STIMATE: variants seen among roughly 807,000 people sequenced by gnomAD.
The protein encoded by STIMATE is STIM activating enhancer.
In STIMATE, 15 loss-of-function variants were observed where a neutral mutation model predicts 36.7. The ratio of observed to expected loss-of-function variants is 0.41; its 90% CI spans 0.27 to 0.63. The LOEUF (loss-of-function observed/expected upper bound fraction) is 0.63. Ranked by LOEUF, STIMATE falls within the 20% of genes least tolerant of loss-of-function variation. The pLI, the probability that STIMATE is intolerant of heterozygous loss-of-function variation, is 0.32. For missense variants in STIMATE, 305 were observed against 397.3 expected, an observed-to-expected ratio of 0.77 and a Z score of 1.98; for synonymous variants, 163 against 162.3, an observed-to-expected ratio of 1.00 and a Z score of -0.03.
At chr3:52,845,071 C>T in intron 4 of STIMATE, 130 bp from the exon 5 acceptor site, 1 of 768,374 alleles carries the variant, frequency 1.3e-6, no homozygotes, top group Non-Finnish European at 2.0e-6. Context: ...AATGAGCCCC[C>T]CCAAAAGTCC....
At chr3:52,858,635 A>T (rs568789653) in intron 1 of STIMATE, among the ~76,000 whole-genome samples, 52 of 152,244 alleles carry the variant, frequency 3.4e-4, no homozygotes, top group African/African-American at 1.2e-3. Flanking sequence ...GAAACAAAAA[A>T]CAAAGGTCAA....
At chr3:52,845,293 T>A (rs889968290) in intron 4 of STIMATE, among the ~76,000 whole-genome samples, 1 of 152,232 alleles carries the variant, frequency 6.6e-6, no homozygotes, top group Admixed American at 6.5e-5. Flanking sequence ...AGACTGCTAT[T>A]CTTATCCGTT....
At chr3:52,856,424 T>A (rs913825239) in intron 1 of STIMATE, among the ~76,000 whole-genome samples, 2 of 152,212 alleles carry the variant, frequency 1.3e-5, no homozygotes, top group African/African-American at 4.8e-5. Flanking sequence ...CTCATGCCTG[T>A]AATCCCAGCA....
At chr3:52,890,145 T>C (rs1406697997) in intron 1 of STIMATE, among the ~76,000 whole-genome samples, 14 of 152,198 alleles carry the variant, frequency 9.2e-5, no homozygotes, top group Admixed American at 9.2e-4. Flanking sequence ...TTCAGGCTTC[T>C]ACAATCCTCT....
chr3:52,883,607 A>T (rs1235839571), intron 1 of STIMATE, among the ~76,000 whole-genome samples: 1 of 152,082 alleles, frequency 6.6e-6, no homozygotes, highest in East Asian at 1.9e-4. Flanking sequence ...TGGGTCACTA[A>T]GGCTCTGTTC....
At chr3:52,888,415 C>T (rs139955201) in intron 1 of STIMATE, among the ~76,000 whole-genome samples, 58 of 152,332 alleles carry the variant, frequency 3.8e-4, no homozygotes, top group Middle Eastern at 3.4e-3. Flanking sequence ...ATGTAACCAC[C>T]TGCAGATATT....
intron 1 of STIMATE, among the ~76,000 whole-genome samples, chr3:52,870,360 G>A (rs77853863): frequency 0.015 from 2,225 of 152,156 alleles, 59 homozygotes; most frequent in African/African-American, 0.051. Flanking sequence ...CACGATCACT[G>A]GTGGTTGTAT....
Position 52,897,486 on chromosome 3 carries a change from C to G in STIMATE, c.-36G>C. The G allele has an allele frequency of 8.2e-7, 1 of 1,214,262 alleles. No individual in the cohort carries two copies. Among genetic ancestry groups the G allele is most frequent in the Non-Finnish European group, 1.0e-6 (1 of 977,606 alleles). 75.2% of individuals were successfully genotyped at this position (1,214,262 alleles called of 1,614,324 possible). ...GCGGGAGGGGCGCGAGGGCCCAGGG[C>G]CCGCCCGGCCTCGCTGCCTGCCGGC... On this transcript the variant is annotated 5_prime_UTR_variant, in exon 1 of 8. Coordinates refer to ENST00000355083, the MANE Select transcript of STIMATE (RefSeq NM_198563.5).
At chr3:52,861,556 G>C (rs1252901258) in intron 1 of STIMATE, among the ~76,000 whole-genome samples, 1 of 152,186 alleles carries the variant, frequency 6.6e-6, no homozygotes, top group South Asian at 2.1e-4. Flanking sequence ...AGAGGAAGGT[G>C]GGGGGCTGCT....
intron 1 of STIMATE, among the ~76,000 whole-genome samples, chr3:52,872,800 A>G (rs894044993): frequency 2.6e-5 from 4 of 152,020 alleles, no homozygotes; most frequent in African/African-American, 9.7e-5. Context: ...TAATTTTTGT[A>G]TTTTTAGTAG....
At chr3:52,845,054 G>T in intron 4 of STIMATE, 113 bp from the exon 5 acceptor site, 1 of 1,011,714 alleles carries the variant, frequency 9.9e-7, no homozygotes, top group South Asian at 2.0e-5. Context: ...AAGCTCTAAA[G>T]GTACTTAATG....
At chr3:52,874,168 T>C (rs1036607433) in intron 1 of STIMATE, among the ~76,000 whole-genome samples, 7 of 152,190 alleles carry the variant, frequency 4.6e-5, no homozygotes, top group Non-Finnish European at 8.8e-5. Flanking sequence ...TAAATGTCCA[T>C]CGATAGGGAA....
intron 1 of STIMATE, among the ~76,000 whole-genome samples, chr3:52,893,280 T>G (rs1448311453): frequency 6.6e-6 from 1 of 151,964 alleles, no homozygotes; most frequent in Non-Finnish European, 1.5e-5. Context: ...TGTGGTTATG[T>G]GGGAGATTGT....
intron 5 of STIMATE, 50 bp from the exon 6 acceptor site, chr3:52,843,848 T>C: frequency 7.5e-7 from 1 of 1,331,672 alleles, no homozygotes; most frequent in Non-Finnish European, 1.0e-6. Flanking sequence ...ACCGAGAGTG[T>C]GCCTGGGGTG....
intron 4 of STIMATE, chr3:52,848,175 G>T (rs1319897073): frequency 6.6e-6 from 1 of 152,588 alleles, no homozygotes; most frequent in African/African-American, 2.4e-5. Flanking sequence ...AAAACAACAG[G>T]TAACTGAGCA....
At chr3:52,896,558 T>TTTA (rs1474915672) in intron 1 of STIMATE, among the ~76,000 whole-genome samples, 1 of 151,994 alleles carries the variant, frequency 6.6e-6, no homozygotes, top group African/African-American at 2.4e-5. Flanking sequence ...AAAAGGAAAC[T>TTTA]TAAAATATAA....
intron 3 of STIMATE, among the ~76,000 whole-genome samples, chr3:52,850,385 T>C (rs1044617524): frequency 6.6e-6 from 1 of 151,824 alleles, no homozygotes; most frequent in African/African-American, 2.4e-5. Flanking sequence ...TGAGCTGAGA[T>C]TGCACCACTG....
chr3:52,873,794 G>T (rs1701450707), intron 1 of STIMATE, among the ~76,000 whole-genome samples: 1 of 152,200 alleles, frequency 6.6e-6, no homozygotes, highest in African/African-American at 2.4e-5. Flanking sequence ...GGGCTGTCCT[G>T]GAAGGACCCT....
At chr3:52,857,683 T>G (rs1023374186) in intron 1 of STIMATE, among the ~76,000 whole-genome samples, 1 of 151,586 alleles carries the variant, frequency 6.6e-6, no homozygotes, top group Non-Finnish European at 1.5e-5. Context: ...GTATAATAAA[T>G]GTATTACATT....
Sources: gnomAD v4.1 joint callset for allele counts (sites outside exome capture counted in the v4.1 genomes callset) on GRCh38, gnomAD v4.1.1 for gene constraint, MANE v1.5 for transcripts, NCBI Gene and HGNC (gene_info 2026-07-23, HGNC 2026-07-21) for gene names.